RANBP2: variants seen among roughly 807,000 people sequenced by gnomAD.
RANBP2 encodes the protein RAN binding protein 2.
In RANBP2, 57 loss-of-function variants were observed where a neutral mutation model predicts 303.6. The ratio of observed to expected loss-of-function variants is 0.19; its 90% CI spans 0.15 to 0.23. The LOEUF (loss-of-function observed/expected upper bound fraction) is 0.23. RANBP2 is among the 10% of genes least tolerant of loss of function. The pLI, the probability that RANBP2 is intolerant of heterozygous loss-of-function variation, is 1.00. For missense variants in RANBP2, 3,138 were observed against 3,780.8 expected (o/e 0.83, Z 4.46); for synonymous variants, 1,167 against 1,301.5 (o/e 0.90, Z 2.23).
chr2:108,855,946 G>GT, the RANBP2 span, among the ~76,000 whole-genome samples: 6 of 151,924 alleles, frequency 3.9e-5, no homozygotes, highest in Admixed American at 2.0e-4. Flanking sequence ...AGCATGAACG[G>GT]TTTTTTTTCC....
the RANBP2 span, among the ~76,000 whole-genome samples, chr2:109,681,652 G>A: frequency 6.6e-6 from 1 of 152,238 alleles, no homozygotes; most frequent in Non-Finnish European, 1.5e-5. Context: ...GAAGCATAAG[G>A]GGGAGGCAGG....
At chr2:109,474,056 C>T in the RANBP2 span, among the ~76,000 whole-genome samples, 1 of 152,094 alleles carries the variant, frequency 6.6e-6, no homozygotes, top group African/African-American at 2.4e-5. Context: ...GCCTCCTCAC[C>T]TTTGGTTTGG....
the RANBP2 span, among the ~76,000 whole-genome samples, chr2:109,268,216 AGTGGTTTCT>A: frequency 6.6e-6 from 1 of 151,730 alleles, no homozygotes; most frequent in East Asian, 1.9e-4. Flanking sequence ...TATCTTCCCC[AGTGGTTTCT>A]GTGTGGAATG....
At chr2:109,371,117 G>A in the RANBP2 span, among the ~76,000 whole-genome samples, 5 of 152,202 alleles carry the variant, frequency 3.3e-5, no homozygotes, top group Admixed American at 1.3e-4. Context: ...GGCTGGGTTC[G>A]GTGGCTCACA....
chr2:108,876,104 T>C, the RANBP2 span: 2 of 1,595,650 alleles, frequency 1.3e-6, no homozygotes, highest in Non-Finnish European at 1.7e-6. Context: ...TAAGAAGCTC[T>C]TTGAACTTTT....
At chr2:109,646,526 C>G in the RANBP2 span, among the ~76,000 whole-genome samples, 1 of 151,876 alleles carries the variant, frequency 6.6e-6, no homozygotes, top group African/African-American at 2.4e-5. Flanking sequence ...GAGTCTTGCT[C>G]TGTCGCCCAG....
chr2:109,312,979 A>T, the RANBP2 span, among the ~76,000 whole-genome samples: 2 of 152,114 alleles, frequency 1.3e-5, no homozygotes, highest in Admixed American at 6.5e-5. Context: ...TTTCACTTTT[A>T]TCTACAGTAA....
the RANBP2 span, among the ~76,000 whole-genome samples, chr2:109,278,166 G>A: frequency 3.4e-5 from 5 of 145,742 alleles, no homozygotes; most frequent in African/African-American, 1.3e-4. Flanking sequence ...GATAGAGCAA[G>A]ACCCAATCTT....
chr2:108,806,551 G>A, the RANBP2 span, among the ~76,000 whole-genome samples: 2 of 152,100 alleles, frequency 1.3e-5, no homozygotes, highest in Non-Finnish European at 1.5e-5. Flanking sequence ...AAGTACTTTG[G>A]GCTTTGTAGG....
the RANBP2 span, among the ~76,000 whole-genome samples, chr2:109,321,353 C>T: frequency 1.1e-4 from 16 of 152,214 alleles, no homozygotes; most frequent in Admixed American, 2.0e-4. Flanking sequence ...CATACCAGAA[C>T]GTCATCATTC....
chr2:109,558,111 C>A, the RANBP2 span, among the ~76,000 whole-genome samples: 1 of 151,928 alleles, frequency 6.6e-6, no homozygotes, highest in African/African-American at 2.4e-5. Flanking sequence ...TATTTAATGC[C>A]AACATACTAC....
the RANBP2 span, among the ~76,000 whole-genome samples, chr2:108,822,121 A>T: frequency 6.6e-6 from 1 of 152,144 alleles, no homozygotes; most frequent in Non-Finnish European, 1.5e-5. Flanking sequence ...GAAAAAGACA[A>T]TCCTTGTCAA....
At chr2:109,078,444 G>C in the RANBP2 span, among the ~76,000 whole-genome samples, 1 of 148,384 alleles carries the variant, frequency 6.7e-6, no homozygotes. Context: ...TGTTTGTAGA[G>C]TCAATAAAAG....
the RANBP2 span, among the ~76,000 whole-genome samples, chr2:108,957,449 A>C: frequency 1.3e-5 from 2 of 152,248 alleles, no homozygotes; most frequent in Admixed American, 1.3e-4. Context: ...TCCTTCAAAT[A>C]GAGGGCTATA....
chr2:109,583,183 A>C, the RANBP2 span, among the ~76,000 whole-genome samples: 8 of 152,102 alleles, frequency 5.3e-5, no homozygotes, highest in Middle Eastern at 3.4e-3. Context: ...AATTAAACTA[A>C]AGAGCTTCTA....
At chr2:109,587,369 T>C in the RANBP2 span, among the ~76,000 whole-genome samples, 2 of 151,948 alleles carry the variant, frequency 1.3e-5, no homozygotes, top group South Asian at 2.1e-4. Flanking sequence ...TCTTAAAAAC[T>C]TGTGTGAGAG....
the RANBP2 span, among the ~76,000 whole-genome samples, chr2:109,457,612 C>A: frequency 0.029 from 4,410 of 152,344 alleles, 88 homozygotes; most frequent in Middle Eastern, 0.044. Flanking sequence ...GCGAGCGATG[C>A]ACACACTGCA....
rs761672897 is a variant in RANBP2 at position 108,749,064 on chromosome 2, G to T, written c.1208G>T (p.Ser403Ile). The change falls in exon 9 of 29, where the codon AGC (serine) becomes ATC (isoleucine). Residue 403 changes from serine (S) to isoleucine (I), a missense_variant. By Grantham distance (142) the Ser-to-Ile change is moderately radical (BLOSUM62 -2). This residue lies in a region of RANBP2 where 95 missense variants were observed against 86.4 expected (regional missense o/e 1.10). Transcript: ENST00000283195. ...CCTAAGGATACATCTTTTCTTGGTAGCGATGATATTGGAAACATTGATGTA... is the reference window on the plus strand; with the variant it reads ...CCTAAGGATACATCTTTTCTTGGTATCGATGATATTGGAAACATTGATGTA... Reference protein sequence around the residue: ...QSPKDTSFLGSDDIGNIDVRE... With the variant: ...QSPKDTSFLGIDDIGNIDVRE... 3.1e-6 allele frequency: 5 copies of T among 1,611,828 alleles called. No individual in the cohort carries two copies. In the Admixed American group the frequency reaches 6.7e-5, roughly 21 times the overall value.
Position 108,765,820 on chromosome 2 carries a change from A to G in RANBP2, c.5281A>G (p.Thr1761Ala). Residue 1761 changes from threonine to alanine, a missense_variant, in exon 20 of 29, where the codon ACA (threonine) becomes GCA (alanine). Thr to Ala is a moderately conservative substitution (Grantham distance 58, BLOSUM62 0). Around this residue, in one of 20 missense-constraint regions of RANBP2, gnomAD observed 348 missense variants for 360.4 expected, o/e 0.97. Coordinates refer to ENST00000283195, the MANE Select transcript of RANBP2 (RefSeq NM_006267.5). ...SKQNQTTAIS[T>A]PASSEISKAP... is the part of the protein sequence containing the mutation. ...ACAAAATCAAACAACTGCAATTTCA[A>G]CACCTGCCTCTTCGGAGATAAGCAA... 6.2e-7 allele frequency: 1 copy of G among 1,614,178 alleles called. No homozygotes were observed. The highest frequency in any genetic ancestry group is 8.5e-7 in the Non-Finnish European group (1 of 1,180,012).
Sources: gnomAD v4.1 joint callset for allele counts (sites outside exome capture counted in the v4.1 genomes callset) on GRCh38, gnomAD v4.1.1 for gene constraint, gnomAD v4.1.1 regional missense constraint, MANE v1.5 for transcripts, NCBI Gene and HGNC (gene_info 2026-07-23, HGNC 2026-07-21) for gene names.